The following KRIT1 variants were observed in gnomAD, a reference collection of about 807,000 sequenced individuals.
KRIT1 encodes krev interaction trapped protein 1.
A neutral mutation model predicts 95.8 loss-of-function variants in KRIT1; 45 were observed. The observed-to-expected ratio is 0.47, with a 90% confidence interval of 0.37 to 0.60. The LOEUF is 0.60. Ranked by LOEUF, KRIT1 falls within the 20% of genes least tolerant of loss-of-function variation. KRIT1 has a pLI of 0.00. For missense variants in KRIT1, 788 were observed against 877.5 expected (o/e 0.90, Z 1.29); for synonymous variants, 282 against 278.8 (o/e 1.01, Z -0.11).
In KRIT1 at chr7:92,241,040, A is replaced by G. The variant is rs1440357472; in HGVS notation, c.215T>C (p.Val72Ala). The change falls in exon 5 of 19, where the codon GTA becomes GCA. Residue 72 changes from valine to alanine, a missense_variant. By Grantham distance (64) the Val-to-Ala change is moderately conservative. This residue lies in a region of KRIT1 where 289 missense variants were observed against 277.5 expected (regional missense o/e 1.04). Coordinates refer to ENST00000394505, the MANE Select transcript of KRIT1 (RefSeq NM_194454.3). ...AGAAATTGGTTTGGTGGTTTCTACT[A>G]CGTAATCCAATATGCCTTGTGTTAT... ...SEITQGILDY[V>A]VETTKPISPA... 3.1e-6 allele frequency: 5 copies of G among 1,612,586 alleles called. No individual in the cohort carries two copies. The highest frequency in any genetic ancestry group is 4.2e-6 in the Non-Finnish European group (5 of 1,178,708).
chr7:92,226,092 T>C (rs1305220337), intron 11 of KRIT1, among the ~76,000 whole-genome samples: 4 of 152,224 alleles, frequency 2.6e-5, no homozygotes, highest in African/African-American at 9.6e-5. Flanking sequence ...ATTATTTTCC[T>C]CTTTATGATA....
intron 3 of KRIT1, among the ~76,000 whole-genome samples, chr7:92,242,794 C>A (rs527451171): frequency 1.9e-4 from 29 of 152,256 alleles, no homozygotes; most frequent in African/African-American, 6.7e-4. Context: ...TTTCCCTTAT[C>A]AATTTCCTTG....
Position 92,241,079 on chromosome 7 carries a change from T to C in KRIT1, c.176A>G (p.Gln59Arg), listed in dbSNP as rs866162290. 2 of 1,611,150 alleles carry C rather than the reference T, an allele frequency of 1.2e-6. No homozygotes were observed. Among genetic ancestry groups the C allele is most frequent in the African/African-American group, 2.7e-5 (2 of 75,024 alleles). Residue 59 changes from glutamine (Q) to arginine (R), a missense_variant, in exon 5 of 19, where the codon CAA becomes CGA. By Grantham distance (43) the Gln-to-Arg change is conservative (BLOSUM62 1). Transcript: ENST00000394505. ...GCCTTGTGTTATTTCACTGTTGCCTTGAAGTTTCGTTTCCAATAAAACTTT... is the reference window on the plus strand; with the variant it reads ...GCCTTGTGTTATTTCACTGTTGCCTCGAAGTTTCGTTTCCAATAAAACTTT... ...RKKVLLETKL[Q>R]GNSEITQGIL...
At position 92,200,774 on chromosome 7, in the gene KRIT1, G is replaced by T. The variant is rs770404712; in HGVS notation, c.2173C>A (p.Leu725Ile). 1 of 1,609,082 alleles carries T rather than the reference G, an allele frequency of 6.2e-7. No individual in the cohort carries two copies. The change falls in exon 19 of 19, where the codon CTA becomes ATA. Residue 725 changes from leucine to isoleucine, a missense_variant. By Grantham distance (5) the Leu-to-Ile change is conservative (BLOSUM62 2). Transcript: ENST00000394505. ...TCAGTGGGCATTAACTGTCCATTTAGCTTCATTAACAGTTTTACCACGAGA... is the reference window on the plus strand; with the variant it reads ...TCAGTGGGCATTAACTGTCCATTTATCTTCATTAACAGTTTTACCACGAGA... ...AGLVVKLLMK[L>I]NGQLMPTERN... is the part of the protein sequence containing the mutation.
chr7:92,243,946 C>T (rs539170880), intron 3 of KRIT1, 56 bp downstream of exon 3: 12 of 152,208 alleles, frequency 7.9e-5, no homozygotes, highest in Admixed American at 5.9e-4. Context: ...TCATTATATA[C>T]TTCATGAAAT....
intron 17 of KRIT1, among the ~76,000 whole-genome samples, chr7:92,202,911 T>C (rs2131122961): frequency 6.6e-6 from 1 of 152,340 alleles, no homozygotes; most frequent in East Asian, 1.9e-4. Flanking sequence ...AGGTACAGAC[T>C]GAACAGAGTC....
At position 92,214,476 on chromosome 7, in the gene KRIT1, C is replaced by T. The variant is rs139544001; in HGVS notation, c.1730+135G>A. 252 of 665,654 alleles carry T rather than the reference C, an allele frequency of 3.8e-4. 1 individual carries two copies. The East Asian group carries it at 5.7e-3, about 15-fold the overall frequency. The allele number at this position is 665,654 out of a possible 1,614,324, so 41.2% of individuals were successfully genotyped here. ...AGAATGCTTTAGTATAATATTTTTTCTCATTCTATGTCTTATATTATTTAA... is the reference window on the plus strand; with the variant it reads ...AGAATGCTTTAGTATAATATTTTTTTTCATTCTATGTCTTATATTATTTAA... On this transcript the variant is annotated intron_variant, in intron 15 of 18. Coordinates refer to ENST00000394505, the MANE Select transcript of KRIT1 (RefSeq NM_194454.3).
rs373944904 is a variant in KRIT1, at chr7:92,200,796, G to T, written c.2151C>A (p.Leu717=). The part of the protein sequence containing the change: ...SFIVHTKQAG[L]VVKLLMKLNG... ...TTAGCTTCATTAACAGTTTTACCAC[G>T]AGACCAGCCTACAAAGTAAAACATG... The change falls in exon 19 of 19, where the codon CTC becomes CTA. Residue 717 remains leucine, a synonymous_variant. Coordinates refer to ENST00000394505, the MANE Select transcript of KRIT1 (RefSeq NM_194454.3). 2 of 1,599,902 alleles carry T rather than the reference G, an allele frequency of 1.3e-6. No individual in the cohort carries two copies. The highest frequency in any genetic ancestry group is 2.7e-5 in the African/African-American group (2 of 74,594).
chr7:92,220,226 T>A (rs1276642255), intron 14 of KRIT1, among the ~76,000 whole-genome samples: 1 of 152,214 alleles, frequency 6.6e-6, no homozygotes, highest in Admixed American at 6.5e-5. Flanking sequence ...GAGAGTTTTT[T>A]AAATCATGAA....
chr7:92,215,978 C>G (rs1042793017), intron 14 of KRIT1, among the ~76,000 whole-genome samples: 5 of 151,972 alleles, frequency 3.3e-5, no homozygotes, highest in African/African-American at 1.2e-4. Flanking sequence ...GCCTGTAATC[C>G]TAGCACTTTG....
intron 10 of KRIT1, among the ~76,000 whole-genome samples, chr7:92,231,797 A>C (rs1481490592): frequency 6.6e-6 from 1 of 152,256 alleles, no homozygotes; most frequent in African/African-American, 2.4e-5. Flanking sequence ...TCAAGCTGAC[A>C]GAAAATTAAT....
intron 5 of KRIT1, 128 bp downstream of exon 5, chr7:92,240,864 GT>G: frequency 1.3e-6 from 1 of 794,602 alleles, no homozygotes; most frequent in Non-Finnish European, 2.1e-6. Context: ...AAACACTTGA[GT>G]TTTTTTGCAA....
Position 92,201,350 on chromosome 7 carries a change from T to C in KRIT1, c.2099A>G (p.His700Arg), listed in dbSNP as rs768318125. ...LGDTDTCFQIHSMENKMSFIV... is the reference protein window; with the variant it reads ...LGDTDTCFQIRSMENKMSFIV... ...AAAGCTCATTTTATTTTCCATGCTA[T>C]GGATCTGAAAACAAGTATCAGTATC... The change falls in exon 18 of 19, where the codon CAT becomes CGT. Residue 700 changes from histidine (H) to arginine (R), a missense_variant. By Grantham distance (29) the His-to-Arg change is conservative. This residue lies in a region of KRIT1 where 493 missense variants were observed against 582.3 expected (regional missense o/e 0.85). Coordinates refer to ENST00000394505, the MANE Select transcript of KRIT1 (RefSeq NM_194454.3). 1.1e-5 allele frequency: 18 copies of C among 1,595,118 alleles called. No homozygotes were observed. The highest frequency in any genetic ancestry group is 1.5e-5 in the Non-Finnish European group (18 of 1,162,932).
At chr7:92,233,672 TG>T (rs1797810161) in intron 10 of KRIT1, among the ~76,000 whole-genome samples, 2 of 152,186 alleles carry the variant, frequency 1.3e-5, no homozygotes, top group African/African-American at 4.8e-5. Flanking sequence ...CCCAAAGTGC[TG>T]GGATTACAGG....
chr7:92,215,037 T>C (rs1399024234), intron 14 of KRIT1, among the ~76,000 whole-genome samples: 1 of 152,166 alleles, frequency 6.6e-6, no homozygotes, highest in East Asian at 1.9e-4. Context: ...AACAAATGGG[T>C]ATGGCAGTGT....
chr7:92,240,382 T>C (rs1799362467), intron 5 of KRIT1, among the ~76,000 whole-genome samples: 2 of 152,224 alleles, frequency 1.3e-5, no homozygotes, highest in Non-Finnish European at 2.9e-5. Context: ...CTACTGCTGC[T>C]TGACTGAATT....
intron 5 of KRIT1, among the ~76,000 whole-genome samples, chr7:92,240,462 T>C (rs1799377006): frequency 1.3e-5 from 2 of 152,224 alleles, no homozygotes; most frequent in Non-Finnish European, 2.9e-5. Flanking sequence ...GTTTGATGGC[T>C]GTTTCTACAG....
intron 5 of KRIT1, among the ~76,000 whole-genome samples, chr7:92,239,239 C>T (rs558961758): frequency 6.6e-6 from 1 of 152,290 alleles, no homozygotes; most frequent in South Asian, 2.1e-4. Flanking sequence ...AGTACCCAGC[C>T]TTCTGGACCA....
At chr7:92,212,338 TCA>T (rs2131295066) in intron 17 of KRIT1, among the ~76,000 whole-genome samples, 1 of 152,330 alleles carries the variant, frequency 6.6e-6, no homozygotes, top group South Asian at 2.1e-4. Flanking sequence ...GGCAACATAA[TCA>T]CACAGTTAAA....
Sources: gnomAD v4.1 joint callset for allele counts (sites outside exome capture counted in the v4.1 genomes callset) on GRCh38, gnomAD v4.1.1 for gene constraint, gnomAD v4.1.1 regional missense constraint, MANE v1.5 for transcripts, NCBI Gene and HGNC (gene_info 2026-07-23, HGNC 2026-07-21) for gene names.